The following NUTM1 variants were observed in gnomAD, a reference collection of about 807,000 sequenced individuals.
NUTM1 encodes the protein NUT family member 1.
A neutral mutation model predicts 88.7 loss-of-function variants in NUTM1; 39 were observed. The ratio of observed to expected loss-of-function variants is 0.44; its 90% confidence interval spans 0.34 to 0.57. The LOEUF is 0.57. NUTM1 is among the 20% of genes least tolerant of loss of function. The probability of loss-of-function intolerance (pLI) is 0.01; values close to 1 mark genes in which losing one functional copy is unlikely to be tolerated. For missense variants in NUTM1, 1,350 were observed against 1,414.5 expected (o/e 0.95, Z 0.73); for synonymous variants, 494 against 538.0 (o/e 0.92, Z 1.13).
intron 1 of NUTM1, among the ~76,000 whole-genome samples, chr15:34,345,675 A>T (rs1175861281): frequency 6.6e-6 from 1 of 152,220 alleles, no homozygotes; most frequent in Non-Finnish European, 1.5e-5. Context: ...AAACGGTAAA[A>T]CTGTAATGTG....
Position 34,357,460 on chromosome 15 carries a change from G to A in NUTM1, c.3452G>A (p.Gly1151Asp). Reference protein sequence around the residue: ...RKRRCDSFVTGRRKKRRRSQ With the variant: ...RKRRCDSFVTDRRKKRRRSQ The stretch of plus-strand genomic sequence containing the variant: ...AGGCGGTGTGACAGTTTTGTCACGG[G>A]CAGAAGGAAGAAACGACGTCGTAGC... Residue 1151 changes from glycine to aspartate, a missense_variant, in exon 8 of 8, where the codon GGC (glycine) becomes GAC (aspartate). Coordinates refer to ENST00000537011, the MANE Select transcript of NUTM1 (RefSeq NM_001284292.2). 1.9e-6 allele frequency: 3 copies of A among 1,613,110 alleles called. No homozygotes were observed. In the South Asian group the frequency reaches 3.3e-5, roughly 18 times the overall value.
At position 34,354,591 on chromosome 15, in the gene NUTM1, G is replaced by A; in HGVS notation, c.1221G>A (p.Val407=). 6.2e-7 allele frequency: 1 copy of A among 1,614,158 alleles called. No individual in the cohort carries two copies. The highest frequency in any genetic ancestry group is 8.5e-7 in the Non-Finnish European group (1 of 1,180,016). The change falls in exon 6 of 8, where the codon GTG becomes GTA. Residue 407 remains valine (V), a synonymous_variant. Transcript: ENST00000537011. ...KEYVDIMEWL[V]GTHLATGESD... Reference sequence around the variant, plus strand: ...ATGTTGACATCATGGAATGGCTGGTGGGGACTCACTTGGCCACTGGGGAGT... The same window carrying A: ...ATGTTGACATCATGGAATGGCTGGTAGGGACTCACTTGGCCACTGGGGAGT...
Position 34,354,506 on chromosome 15 carries a change from C to T in NUTM1, c.1136C>T (p.Ala379Val), listed in dbSNP as rs997030593. ...GCCCCCCGCCGGCGTCAGCGTAAAG[C>T]CCAGAGACCTCCTGCTCCTGAGGCA... ...TRAPRRRQRK[A>V]QRPPAPEAPK... is the part of the protein sequence containing the mutation. The change falls in exon 6 of 8, where the codon GCC (alanine) becomes GTC (valine). Residue 379 changes from alanine (A) to valine (V), a missense_variant. Physicochemically the swap from Ala to Val is moderately conservative, Grantham distance 64. Transcript: ENST00000537011. The T allele has an allele frequency of 1.9e-5, 31 of 1,614,050 alleles. No individual in the cohort carries two copies. The highest frequency in any genetic ancestry group is 2.6e-5 in the Non-Finnish European group (31 of 1,180,030).
intron 3 of NUTM1, among the ~76,000 whole-genome samples, chr15:34,349,468 A>T (rs773079596): frequency 6.6e-6 from 1 of 152,214 alleles, no homozygotes; most frequent in Non-Finnish European, 1.5e-5. Flanking sequence ...AAGAACTCGC[A>T]AAAGGTCAAA....
chr15:34,353,053 T>C (rs544820109), intron 4 of NUTM1, among the ~76,000 whole-genome samples: 1 of 151,486 alleles, frequency 6.6e-6, no homozygotes, highest in African/African-American at 2.4e-5. Context: ...ATCAGGCTAA[T>C]TTTGTGCATT....
chr15:34,345,869 T>A, intron 1 of NUTM1, 73 bp from the exon 2 acceptor site: 2 of 1,564,366 alleles, frequency 1.3e-6, no homozygotes, highest in Non-Finnish European at 1.7e-6. Flanking sequence ...TGCCTTGAGT[T>A]CCGTATTCTA....
chr15:34,343,389 T>C lies in NUTM1; in HGVS notation c.-308T>C, dbSNP rs557513847. On this transcript the variant is annotated 5_prime_UTR_variant, in exon 1 of 8. Coordinates refer to ENST00000537011, the MANE Select transcript of NUTM1 (RefSeq NM_001284292.2). ...GATAGAATATTGACGTATAGAAGCC[T>C]GTCTTTGTCTCAAGATACACACCCA... The C allele has an allele frequency of 3.3e-6, 2 of 609,194 alleles. No homozygotes were observed. The highest frequency in any genetic ancestry group is 3.7e-5 in the African/African-American group (2 of 54,034). The allele number at this position is 609,194 out of a possible 1,614,324, so 37.7% of individuals were successfully genotyped here.
At position 34,357,171 on chromosome 15, in the gene NUTM1, AAACTT is replaced by A; in HGVS notation, c.3165_3169del (p.Leu1056ProfsTer56). 6.2e-7 allele frequency: 1 copy of A among 1,614,212 alleles called. No homozygotes were observed. The highest frequency in any genetic ancestry group is 8.5e-7 in the Non-Finnish European group (1 of 1,180,034). ...CAACTTTGCTTACCTCTTGGCCTCT[AAACTT>A]AGCCTCTCACCAAGGGAGCATCCCC... On this transcript the variant is annotated frameshift_variant, in exon 8 of 8. Transcript: ENST00000537011. LOFTEE classifies it high-confidence loss of function.
chr15:34,356,945 G>C lies in NUTM1; in HGVS notation c.2937G>C (p.Glu979Asp), dbSNP rs1890826978. Residue 979 changes from glutamate to aspartate, a missense_variant, in exon 8 of 8, where the codon GAG becomes GAC. Physicochemically the swap from Glu to Asp is conservative, Grantham distance 45. Transcript: ENST00000537011. ...CTAAAAACCTTGCTCCTTTACAAGA[G>C]AGTCAGGAGTCTTACACAACTGGGA... ...SKPKNLAPLQ[E>D]SQESYTTGTP... 1 of 1,613,870 alleles carries C rather than the reference G, an allele frequency of 6.2e-7. No homozygotes were observed. The highest frequency in any genetic ancestry group is 1.3e-5 in the African/African-American group (1 of 74,920).
intron 1 of NUTM1, among the ~76,000 whole-genome samples, chr15:34,344,489 C>G (rs1192684081): frequency 8.0e-6 from 1 of 124,648 alleles, no homozygotes. Context: ...GGCGACAGAG[C>G]GAGATCCTGT....
chr15:34,354,610 G>A lies in NUTM1; in HGVS notation c.1240G>A (p.Gly414Arg), dbSNP rs367543376. The change falls in exon 6 of 8, where the codon GGG (glycine) becomes AGG (arginine). Residue 414 changes from glycine (G) to arginine (R), a missense_variant. By Grantham distance (125) the Gly-to-Arg change is moderately radical (BLOSUM62 -2). This residue lies in a region of NUTM1 where 126 missense variants were observed against 189.8 expected (regional missense o/e 0.66). Coordinates refer to ENST00000537011, the MANE Select transcript of NUTM1 (RefSeq NM_001284292.2). ...GCTGGTGGGGACTCACTTGGCCACT[G>A]GGGAGTCAGATGGAAAACAAGAGGA... ...EWLVGTHLATGESDGKQEEEG... is the reference protein window; with the variant it reads ...EWLVGTHLATRESDGKQEEEG... 9 of 1,614,124 alleles carry A rather than the reference G, an allele frequency of 5.6e-6. No individual in the cohort carries two copies. Among genetic ancestry groups the A allele is most frequent in the Non-Finnish European group, 5.9e-6 (7 of 1,180,008 alleles).
chr15:34,356,415 A>G lies in NUTM1; in HGVS notation c.2407A>G (p.Thr803Ala). Residue 803 changes from threonine (T) to alanine (A), a missense_variant, in exon 8 of 8, where the codon ACC (threonine) becomes GCC (alanine). Physicochemically the swap from Thr to Ala is moderately conservative, Grantham distance 58. Coordinates refer to ENST00000537011, the MANE Select transcript of NUTM1 (RefSeq NM_001284292.2). ...CAACATTTCCCTGGGTCCTGGAGAA[A>G]CCCTAGTACCTGGGGATACGGAGAG... ...RGNISLGPGE[T>A]LVPGDTESSV... is the part of the protein sequence containing the mutation. The G allele has an allele frequency of 1.2e-6, 2 of 1,610,332 alleles. No homozygotes were observed. The highest frequency in any genetic ancestry group is 1.7e-6 in the Non-Finnish European group (2 of 1,178,078).
intron 4 of NUTM1, among the ~76,000 whole-genome samples, chr15:34,352,140 A>G (rs898998939): frequency 6.6e-6 from 1 of 152,238 alleles, no homozygotes; most frequent in African/African-American, 2.4e-5. Context: ...ATTGCACTCC[A>G]GCCTCGGCAA....
In NUTM1 at chr15:34,355,832, T is replaced by C; in HGVS notation, c.1824T>C (p.Gly608=). Residue 608 remains glycine, a synonymous_variant, in exon 8 of 8, where the codon GGT becomes GGC. Transcript: ENST00000537011. The surrounding 1 kb of genome is among the most constrained non-coding windows in gnomAD (Gnocchi z 4.3). The part of the protein sequence containing the change: ...AAPQGTPGPL[G]VERRGSGKVI... Reference sequence around the variant, plus strand: ...CACAGGGAACTCCGGGACCCTTGGGTGTGGAGAGGAGAGGGTCTGGGAAGG... The same window carrying C: ...CACAGGGAACTCCGGGACCCTTGGGCGTGGAGAGGAGAGGGTCTGGGAAGG... The C allele has an allele frequency of 6.2e-7, 1 of 1,613,926 alleles. No homozygotes were observed. Among genetic ancestry groups the C allele is most frequent in the Non-Finnish European group, 8.5e-7 (1 of 1,179,966 alleles).
At chr15:34,347,909 A>T (rs1890627870) in intron 2 of NUTM1, 60 bp from the exon 3 acceptor site, 2 of 914,710 alleles carry the variant, frequency 2.2e-6, no homozygotes, top group East Asian at 2.7e-5. Context: ...GGGAATTCAG[A>T]TGGCTAACTC....
At position 34,352,506 on chromosome 15, in the gene NUTM1, A is replaced by T. The variant is rs113607992; in HGVS notation, c.939-1230A>T. On this transcript the variant is annotated intron_variant, in intron 4 of 7. Transcript: ENST00000537011. Reference sequence around the variant, plus strand: ...ATGAAGCTGGGTGAGATAGGTACGGAAAACAAGTGAGGCCGGGCACATTGG... The same window carrying T: ...ATGAAGCTGGGTGAGATAGGTACGGTAAACAAGTGAGGCCGGGCACATTGG... Among the ~76,000 whole-genome samples the T allele has an allele frequency of 6.4e-4, 98 of 152,158 alleles. 1 individual carries two copies. The highest frequency in any genetic ancestry group is 2.3e-3 in the African/African-American group (97 of 41,516).
At position 34,357,513 on chromosome 15, in the gene NUTM1, C is replaced by A. The variant is rs758036430; in HGVS notation, c.*22C>A. On this transcript the variant is annotated 3_prime_UTR_variant, in exon 8 of 8. Transcript: ENST00000537011. ...GTAGGGAGCAGCGGGACCATCTGAC[C>A]CCACTTGCCAGTCCCTAAAGGTGGG... is the stretch of plus-strand genomic sequence containing the variant. The A allele has an allele frequency of 2.8e-5, 45 of 1,611,986 alleles. No homozygotes were observed. In the Admixed American group the frequency reaches 6.9e-4, roughly 25 times the overall value.
rs1234512961 is a variant in NUTM1, at chr15:34,350,747, C to T, written c.853C>T (p.Leu285=). Residue 285 remains leucine, a synonymous_variant, in exon 4 of 8, where the codon CTG becomes TTG. Transcript: ENST00000537011. The part of the protein sequence containing the change: ...SLARLKPTMT[L]EEGLPLAVQE... ...GGCCCGGCTGAAGCCCACTATGACCCTGGAGGAGGGACTGCCATTGGCTGT... is the reference window on the plus strand; with the variant it reads ...GGCCCGGCTGAAGCCCACTATGACCTTGGAGGAGGGACTGCCATTGGCTGT... 6.2e-7 allele frequency: 1 copy of T among 1,613,844 alleles called. No homozygotes were observed. The highest frequency in any genetic ancestry group is 1.1e-5 in the South Asian group (1 of 91,066).
intron 4 of NUTM1, among the ~76,000 whole-genome samples, chr15:34,351,528 C>T (rs548581585): frequency 6.6e-6 from 1 of 152,142 alleles, no homozygotes; most frequent in Non-Finnish European, 1.5e-5. Flanking sequence ...GCTCCCCCCT[C>T]ACCAGATCCT....
Sources: allele counts gnomAD v4.1 joint callset (sites outside exome capture counted in the v4.1 genomes callset), GRCh38; gene constraint gnomAD v4.1.1; regional missense constraint gnomAD v4.1.1; non-coding constraint Gnocchi (gnomAD v3.1); transcripts MANE v1.5; gene names NCBI Gene and HGNC (gene_info 2026-07-23, HGNC 2026-07-21).